RCBTB1: variants seen among roughly 807,000 people sequenced by gnomAD.
The protein encoded by RCBTB1 is RCC1 and BTB domain-containing protein 1.
Under a neutral mutation model 62.4 loss-of-function variants are expected in RCBTB1, and 46 were observed. The ratio of observed to expected loss-of-function variants is 0.74; its 90% confidence interval spans 0.58 to 0.94. The LOEUF (loss-of-function observed/expected upper bound fraction) is 0.94, where lower values mean the gene tolerates loss of function less well. Among genes scored for constraint, RCBTB1 ranks in the 40% least tolerant of loss-of-function variants. The pLI is 0.00. For missense variants in RCBTB1, 565 were observed against 654.9 expected, an observed-to-expected ratio of 0.86 and a Z score of 1.50; for synonymous variants, 222 against 245.8, an observed-to-expected ratio of 0.90 and a Z score of 0.91.
chr13:49,562,717 A>G (rs1229461120), intron 4 of RCBTB1, among the ~76,000 whole-genome samples: 1 of 147,290 alleles, frequency 6.8e-6, no homozygotes, highest in Non-Finnish European at 1.5e-5. Context: ...GGCTCAACTG[A>G]TCCTCCTGCC....
intron 5 of RCBTB1, 39 bp downstream of exon 5, chr13:49,559,879 A>G: frequency 5.2e-6 from 5 of 954,426 alleles, no homozygotes; most frequent in Non-Finnish European, 7.3e-6. Flanking sequence ...TACTATGATG[A>G]AAAAAAAAAA....
At chr13:49,565,005 G>A (rs535991222) in intron 4 of RCBTB1, among the ~76,000 whole-genome samples, 12 of 152,110 alleles carry the variant, frequency 7.9e-5, no homozygotes, top group East Asian at 5.8e-4. Flanking sequence ...TCCCGCTCCC[G>A]CTCCCATTCC....
intron 10 of RCBTB1, among the ~76,000 whole-genome samples, chr13:49,542,051 C>T (rs1006174715): frequency 6.6e-6 from 1 of 151,960 alleles, no homozygotes; most frequent in Non-Finnish European, 1.5e-5. Context: ...CCCGTCTCTA[C>T]TAAAAATACA....
intron 2 of RCBTB1, among the ~76,000 whole-genome samples, chr13:49,571,511 C>T (rs894580340): frequency 6.6e-6 from 1 of 152,204 alleles, no homozygotes; most frequent in Non-Finnish European, 1.5e-5. Flanking sequence ...CCTCGGAGCT[C>T]ACAACATACA....
At chr13:49,573,970 G>A (rs2137361462) in intron 2 of RCBTB1, among the ~76,000 whole-genome samples, 1 of 147,510 alleles carries the variant, frequency 6.8e-6, no homozygotes, top group South Asian at 2.1e-4. Flanking sequence ...TTTTAGTAGA[G>A]AAGGGGTTTC....
In RCBTB1 at chr13:49,540,990, C is replaced by T. The variant is rs761617866; in HGVS notation, c.1341G>A (p.Ala447=). The T allele has an allele frequency of 7.4e-6, 12 of 1,612,050 alleles. No individual in the cohort carries two copies. The highest frequency in any genetic ancestry group is 6.7e-5 in the Admixed American group (4 of 59,906). Residue 447 remains alanine, a synonymous_variant, in exon 12 of 13, where the codon GCG becomes GCA. Coordinates refer to ENST00000378302, the MANE Select transcript of RCBTB1 (RefSeq NM_018191.4). ...TCAGTCTGTTTTCACAGTAAGATGT[C>T]GCCAAATCCAGAAGACCTAAAAGTA... The part of the protein sequence containing the change: ...PEDAIGLLDL[A]TSYCENRLKK...
At chr13:49,568,657 G>C (rs568102286) in intron 2 of RCBTB1, among the ~76,000 whole-genome samples, 36 of 148,050 alleles carry the variant, frequency 2.4e-4, no homozygotes, top group East Asian at 2.4e-3. Flanking sequence ...CCGGGGGAGG[G>C]GGGTGGCTCA....
At chr13:49,570,261 G>A (rs895589341) in intron 2 of RCBTB1, among the ~76,000 whole-genome samples, 49 of 152,278 alleles carry the variant, frequency 3.2e-4, no homozygotes, top group Admixed American at 2.7e-3. Context: ...TGCCCTAAGG[G>A]TTTGGTAATC....
intron 6 of RCBTB1, among the ~76,000 whole-genome samples, chr13:49,553,272 T>C (rs7981952): frequency 0.25 from 37,256 of 152,038 alleles, 5,906 homozygotes; most frequent in African/African-American, 0.44. Flanking sequence ...AAATATTAAT[T>C]TAATTTGTAT....
intron 4 of RCBTB1, among the ~76,000 whole-genome samples, chr13:49,565,885 T>C (rs1383800062): frequency 6.6e-6 from 1 of 151,662 alleles, no homozygotes; most frequent in African/African-American, 2.4e-5. Flanking sequence ...TAGAAAGAAG[T>C]AGACATAGGA....
intron 6 of RCBTB1, among the ~76,000 whole-genome samples, chr13:49,553,450 A>G (rs1272194674): frequency 1.3e-5 from 2 of 152,090 alleles, no homozygotes; most frequent in Admixed American, 1.3e-4. Context: ...AAAGCAGAGG[A>G]AAGAGGATTA....
Position 49,543,600 on chromosome 13 carries a change from T to C in RCBTB1, c.1172+1137A>G, listed in dbSNP as rs186335625. Among the ~76,000 whole-genome samples the C allele has an allele frequency of 1.1e-3, 171 of 152,388 alleles. 1 individual carries two copies. The highest frequency in any genetic ancestry group is 9.3e-4 in the Non-Finnish European group (63 of 68,030). On this transcript the variant is annotated intron_variant, in intron 10 of 12. Coordinates refer to ENST00000378302, the MANE Select transcript of RCBTB1 (RefSeq NM_018191.4). ...CTTGTAAATGGCCACTTTAATGGTCTTAGCTTATGTGCCTTTTTCTGCAAT... is the reference window on the plus strand; with the variant it reads ...CTTGTAAATGGCCACTTTAATGGTCCTAGCTTATGTGCCTTTTTCTGCAAT...
chr13:49,583,823 A>G (rs1385846075), intron 1 of RCBTB1, among the ~76,000 whole-genome samples: 1 of 152,200 alleles, frequency 6.6e-6, no homozygotes, highest in African/African-American at 2.4e-5. Context: ...CTGGGATTAC[A>G]GATGTAAGCC....
chr13:49,533,934 T>G lies in RCBTB1; in HGVS notation c.*188A>C. On this transcript the variant is annotated 3_prime_UTR_variant, in exon 13 of 13. Coordinates refer to ENST00000378302, the MANE Select transcript of RCBTB1 (RefSeq NM_018191.4). Reference sequence around the variant, plus strand: ...TACACTTATCTGGAAACAAGGGTTGTTTAAAATGGGCTCAAGAAAAGCCGT... The same window carrying G: ...TACACTTATCTGGAAACAAGGGTTGGTTAAAATGGGCTCAAGAAAAGCCGT... The G allele has an allele frequency of 2.0e-6, 1 of 502,896 alleles. No homozygotes were observed. The highest frequency in any genetic ancestry group is 3.4e-6 in the Non-Finnish European group (1 of 291,614). The allele number at this position is 502,896 out of a possible 1,614,324, so 31.2% of individuals were successfully genotyped here.
intron 2 of RCBTB1, among the ~76,000 whole-genome samples, chr13:49,572,238 G>A (rs1446547410): frequency 6.6e-6 from 1 of 151,714 alleles, no homozygotes; most frequent in Admixed American, 6.6e-5. Flanking sequence ...GAGGTGGAAG[G>A]ATCGTTTGAA....
At chr13:49,536,098 C>T (rs1202849707) in intron 12 of RCBTB1, among the ~76,000 whole-genome samples, 7 of 151,904 alleles carry the variant, frequency 4.6e-5, no homozygotes, top group Non-Finnish European at 1.0e-4. Context: ...TCACTTTATA[C>T]ACTCATGAAA....
chr13:49,538,758 T>TATAC (rs1555281507), intron 12 of RCBTB1, among the ~76,000 whole-genome samples: 17 of 150,076 alleles, frequency 1.1e-4, no homozygotes, highest in East Asian at 5.8e-4. Flanking sequence ...TATATATATA[T>TATAC]ACACACACAC....
At chr13:49,568,124 AGGTGTAT>A (rs1963149715) in intron 2 of RCBTB1, among the ~76,000 whole-genome samples, 1 of 152,230 alleles carries the variant, frequency 6.6e-6, no homozygotes, top group Admixed American at 6.5e-5. Context: ...ATGTATGCAT[AGGTGTAT>A]GTGTATCTTT....
chr13:49,556,576 A>C (rs1961903128), intron 5 of RCBTB1, among the ~76,000 whole-genome samples: 1 of 138,590 alleles, frequency 7.2e-6, no homozygotes, highest in East Asian at 2.1e-4. Flanking sequence ...ATTTCCTCCA[A>C]CATTAGGAAA....
Sources: allele counts gnomAD v4.1 joint callset (sites outside exome capture counted in the v4.1 genomes callset), GRCh38; gene constraint gnomAD v4.1.1; transcripts MANE v1.5; gene names NCBI Gene and HGNC (gene_info 2026-07-23, HGNC 2026-07-21).